Variants in ADAM17 observed in about 807,000 individuals in gnomAD.
The protein encoded by ADAM17 is ADAM metallopeptidase domain 17.
In ADAM17, 39 loss-of-function variants were observed where a neutral mutation model predicts 96.7. That is an observed-to-expected ratio of 0.40 (90% confidence interval 0.31 to 0.53). The LOEUF is 0.53. Ranked by LOEUF, ADAM17 falls within the 20% of genes least tolerant of loss-of-function variation. ADAM17 has a pLI of 0.44. For synonymous variants in ADAM17, 344 were observed against 359.2 expected (o/e 0.96, Z 0.48); for missense variants, 777 against 1,013.2 (o/e 0.77, Z 3.17).
intron 1 of ADAM17, among the ~76,000 whole-genome samples, chr2:9,547,858 T>C (rs546873763): frequency 2.0e-5 from 3 of 152,002 alleles, no homozygotes; most frequent in Non-Finnish European, 4.4e-5. Context: ...CAAGACAAGC[T>C]TGGGCAACAC....
intron 12 of ADAM17, among the ~76,000 whole-genome samples, chr2:9,504,702 C>G (rs1437760128): frequency 1.4e-5 from 2 of 147,080 alleles, no homozygotes; most frequent in African/African-American, 5.1e-5. Flanking sequence ...ACAAAGATTG[C>G]AGTAAGCCAA....
intron 13 of ADAM17, 133 bp from the exon 14 acceptor site, chr2:9,497,381 G>C: frequency 1.7e-6 from 2 of 1,146,540 alleles, no homozygotes; most frequent in Non-Finnish European, 2.4e-6. Context: ...ACAGAGCTAG[G>C]ACAAGAGCCT....
chr2:9,490,137 A>G lies in ADAM17; in HGVS notation c.*40T>C, dbSNP rs1460464507. The G allele has an allele frequency of 6.6e-7, 1 of 1,517,564 alleles. No homozygotes were observed. The highest frequency in any genetic ancestry group is 2.3e-5 in the East Asian group (1 of 43,786). The allele number at this position is 1,517,564 out of a possible 1,614,324, so 94.0% of individuals were successfully genotyped here. On this transcript the variant is annotated 3_prime_UTR_variant, in exon 19 of 19. Transcript: ENST00000310823. ...TTGATTTGTAGGTCAAATCTATAAA[A>G]ATATTTTGCACACTTAAGTCAGAAG...
At chr2:9,548,428 G>A (rs1665480673) in intron 1 of ADAM17, among the ~76,000 whole-genome samples, 2 of 151,392 alleles carry the variant, frequency 1.3e-5, no homozygotes, top group South Asian at 4.2e-4. Context: ...GTAGGCTGCA[G>A]AGCAAACCAA....
At chr2:9,513,131 A>C (rs1558508945) in intron 10 of ADAM17, among the ~76,000 whole-genome samples, 1 of 152,110 alleles carries the variant, frequency 6.6e-6, no homozygotes, top group East Asian at 1.9e-4. Context: ...AGTGGCTGAG[A>C]TTATAGGCAT....
intron 1 of ADAM17, among the ~76,000 whole-genome samples, chr2:9,553,648 C>G (rs7586304): frequency 0.021 from 3,095 of 145,342 alleles, 135 homozygotes; most frequent in African/African-American, 0.075. Flanking sequence ...GCACTCCAGC[C>G]TGGGCAACAA....
intron 5 of ADAM17, among the ~76,000 whole-genome samples, chr2:9,526,652 CAG>C (rs1664543369): frequency 6.6e-6 from 1 of 152,004 alleles, no homozygotes; most frequent in South Asian, 2.1e-4. Context: ...AAAAATTAGC[CAG>C]ATATGGTGGC....
intron 1 of ADAM17, among the ~76,000 whole-genome samples, chr2:9,550,807 C>A (rs1435057958): frequency 6.7e-6 from 1 of 149,894 alleles, no homozygotes; most frequent in Non-Finnish European, 1.5e-5. Context: ...TCTGTAATCC[C>A]AGCACTTTGG....
intron 18 of ADAM17, 51 bp downstream of exon 18, chr2:9,491,050 C>T: frequency 6.5e-7 from 1 of 1,537,256 alleles, no homozygotes; most frequent in Non-Finnish European, 8.9e-7. Context: ...CTTTGCCTAA[C>T]AGGGCCTCAG....
intron 13 of ADAM17, 102 bp from the exon 14 acceptor site, chr2:9,497,350 T>A: frequency 6.7e-7 from 1 of 1,482,146 alleles, no homozygotes; most frequent in Non-Finnish European, 9.1e-7. Flanking sequence ...CATCTTACCT[T>A]GCAAAAGCAA....
rs191183953 is a variant in ADAM17 at position 9,536,681 on chromosome 2, A to C, written c.361+17T>G. On this transcript the variant is annotated intron_variant, in intron 3 of 18. Transcript: ENST00000310823. Reference sequence around the variant, plus strand: ...ATACACCAGACACAGGGGCAAACCAACAAGCTCCATACTAACCAACCACGT... The same window carrying C: ...ATACACCAGACACAGGGGCAAACCACCAAGCTCCATACTAACCAACCACGT... The C allele has an allele frequency of 2.6e-5, 42 of 1,613,208 alleles. No individual in the cohort carries two copies. In the African/African-American group the frequency reaches 5.3e-4, roughly 21 times the overall value.
intron 2 of ADAM17, among the ~76,000 whole-genome samples, chr2:9,540,625 A>C (rs1371104480): frequency 6.6e-6 from 1 of 152,208 alleles, no homozygotes; most frequent in African/African-American, 2.4e-5. Flanking sequence ...AGGAAAAATT[A>C]ATTTGCATTA....
chr2:9,514,568 T>TATATATATATATATAA (rs1558510006), intron 10 of ADAM17, among the ~76,000 whole-genome samples: 4 of 100,536 alleles, frequency 4.0e-5, no homozygotes, highest in Non-Finnish European at 6.1e-5. Flanking sequence ...TATATATATA[T>TATATATATATATATAA]AAATAAAAAG....
intron 14 of ADAM17, chr2:9,496,237 T>A (rs1376637345): frequency 6.6e-6 from 1 of 152,242 alleles, no homozygotes; most frequent in Non-Finnish European, 1.5e-5. Context: ...CAAGCAATTC[T>A]CCTGCCTCAG....
intron 4 of ADAM17, among the ~76,000 whole-genome samples, chr2:9,530,058 CTG>C (rs1475337102): frequency 3.9e-5 from 6 of 152,028 alleles, no homozygotes; most frequent in Non-Finnish European, 1.5e-5. Flanking sequence ...CTCAATAAAA[CTG>C]TTAAATATTA....
intron 8 of ADAM17, among the ~76,000 whole-genome samples, chr2:9,520,600 G>A (rs1664266083): frequency 2.0e-5 from 3 of 152,054 alleles, no homozygotes; most frequent in Admixed American, 2.0e-4. Flanking sequence ...TATATATTGG[G>A]TATCCATGTT....
chr2:9,545,755 G>A (rs982750354), intron 1 of ADAM17, among the ~76,000 whole-genome samples: 5 of 152,058 alleles, frequency 3.3e-5, no homozygotes, highest in African/African-American at 1.2e-4. Context: ...CCAAAGACAG[G>A]GGAAAAAATC....
In ADAM17 at chr2:9,497,119, C is replaced by T; in HGVS notation, c.1778G>A (p.Cys593Tyr). The change falls in exon 14 of 19, where the codon TGT (cysteine) becomes TAT (tyrosine). Residue 593 changes from cysteine to tyrosine, a missense_variant. Around this residue, in one of 3 missense-constraint regions of ADAM17, gnomAD observed 446 missense variants for 664.7 expected, o/e 0.67. Transcript: ENST00000310823. ...CTGGGAATAAAACTGCTCACCATTA[C>T]ATGCACAGGACTCCAGCTGCTGTTC... ...EREQQLESCA[C>Y]NETDNSCKVC... The T allele has an allele frequency of 6.2e-7, 1 of 1,613,812 alleles. No individual in the cohort carries two copies. The highest frequency in any genetic ancestry group is 8.5e-7 in the Non-Finnish European group (1 of 1,179,862).
intron 2 of ADAM17, among the ~76,000 whole-genome samples, chr2:9,539,477 T>A (rs944676817): frequency 6.6e-6 from 1 of 152,212 alleles, no homozygotes; most frequent in Non-Finnish European, 1.5e-5. Flanking sequence ...TAAACAAGTT[T>A]CTTTTTTTCT....
Sources: allele counts gnomAD v4.1 joint callset (sites outside exome capture counted in the v4.1 genomes callset), GRCh38; gene constraint gnomAD v4.1.1; regional missense constraint gnomAD v4.1.1; transcripts MANE v1.5; gene names NCBI Gene and HGNC (gene_info 2026-07-23, HGNC 2026-07-21).